Variants in AKAP12 observed in about 807,000 individuals in gnomAD.
AKAP12 encodes A-kinase anchoring protein 12.
Under a neutral mutation model 79.9 loss-of-function variants are expected in AKAP12, and 32 were observed. The observed-to-expected ratio is 0.40, with a 90% CI of 0.30 to 0.54. The LOEUF is 0.54. AKAP12 is among the 20% of genes least tolerant of loss of function. The pLI is 0.48. For missense variants in AKAP12, 2,074 were observed against 2,177.0 expected (o/e 0.95, Z 0.94); for synonymous variants, 808 against 857.0 (o/e 0.94, Z 1.00).
chr6:151,241,460 A>G (rs78203996), intron 2 of AKAP12, among the ~76,000 whole-genome samples: 8,710 of 152,266 alleles, frequency 0.057, 398 homozygotes, highest in East Asian at 0.12. Context: ...TAGAGTGGCT[A>G]GAAGTTCTCA....
At chr6:151,321,971 C>T (rs573906198) in intron 3 of AKAP12, among the ~76,000 whole-genome samples, 54 of 138,240 alleles carry the variant, frequency 3.9e-4, no homozygotes, top group Middle Eastern at 4.3e-3. Context: ...TGCAGTGGTG[C>T]GATACCATCT....
chr6:151,323,796 C>A (rs1433765953), intron 3 of AKAP12: 1 of 985,370 alleles, frequency 1.0e-6, no homozygotes, highest in Non-Finnish European at 1.2e-6. Context: ...GCTGGAGATT[C>A]ATTCTGCTCT....
intron 3 of AKAP12, chr6:151,324,398 G>A (rs945678747): frequency 1.1e-5 from 11 of 985,292 alleles, no homozygotes; most frequent in Non-Finnish European, 1.1e-5. Flanking sequence ...CTCTGGGCCC[G>A]AGTGTGGTGC....
chr6:151,322,171 G>GTGCTGGGATCACAC (rs1352934485), intron 3 of AKAP12, among the ~76,000 whole-genome samples: 1 of 152,040 alleles, frequency 6.6e-6, no homozygotes, highest in Non-Finnish European at 1.5e-5. Context: ...GCCTCCCAAA[G>GTGCTGGGATCACAC]TGCTGGGATC....
At chr6:151,338,993 A>C (rs1322889356) in intron 3 of AKAP12, among the ~76,000 whole-genome samples, 1 of 152,142 alleles carries the variant, frequency 6.6e-6, no homozygotes, top group Non-Finnish European at 1.5e-5. Context: ...ACTTTGATGG[A>C]TGCTCGGGCC....
intron 3 of AKAP12, among the ~76,000 whole-genome samples, chr6:151,316,945 C>G (rs1777250301): frequency 6.6e-6 from 1 of 152,156 alleles, no homozygotes; most frequent in South Asian, 2.1e-4. Flanking sequence ...GCCAGGACTC[C>G]TGTTCTTATT....
In AKAP12 at chr6:151,301,812, G is replaced by A. The variant is rs561111956; in HGVS notation, c.163-3935G>A. 6.6e-5 allele frequency among the ~76,000 whole-genome samples: 10 copies of A among 152,152 alleles called. No homozygotes were observed. In the East Asian group the frequency reaches 9.7e-4, roughly 15 times the overall value. On this transcript the variant is annotated intron_variant, in intron 2 of 4. Transcript: ENST00000402676. ...TTCAGTAACGTCACTGTCATAAATC[G>A]TTTTCTACCGAAGTTAATAATGTAT...
chr6:151,295,535 A>G (rs1776706520), intron 2 of AKAP12, among the ~76,000 whole-genome samples: 1 of 152,124 alleles, frequency 6.6e-6, no homozygotes, highest in Non-Finnish European at 1.5e-5. Context: ...CTGTGCAGAA[A>G]CCGTTCCAGC....
intron 3 of AKAP12, among the ~76,000 whole-genome samples, chr6:151,336,630 A>G (rs1022727887): frequency 1.3e-5 from 2 of 152,132 alleles, no homozygotes; most frequent in Admixed American, 1.3e-4. Context: ...CTGTAATCCT[A>G]GCTACTCGGG....
chr6:151,300,407 G>A (rs1383576837), intron 2 of AKAP12, among the ~76,000 whole-genome samples: 1 of 152,194 alleles, frequency 6.6e-6, no homozygotes, highest in African/African-American at 2.4e-5. Context: ...GTCCAATGAG[G>A]ATGTAGATCT....
chr6:151,258,825 A>G (rs1037727025), intron 2 of AKAP12, among the ~76,000 whole-genome samples: 7 of 151,448 alleles, frequency 4.6e-5, no homozygotes, highest in Admixed American at 6.6e-5. Context: ...ACAGGGTTTC[A>G]CCATGTTAGT....
chr6:151,350,090 G>T lies in AKAP12; in HGVS notation c.1699G>T (p.Ala567Ser), dbSNP rs1197487682. ...GGAGGAGCAAAAGGGCGAGAGCTCT[G>T]CCTCATCCCCTGAGGAGCCCGAGGA... ...SQEEQKGESS[A>S]SSPEEPEEIT... The change falls in exon 4 of 5, where the codon GCC becomes TCC. Residue 567 changes from alanine (A) to serine (S), a missense_variant. Coordinates refer to ENST00000402676, the MANE Select transcript of AKAP12 (RefSeq NM_005100.4). The surrounding 1 kb of genome is among the most constrained non-coding windows in gnomAD (Gnocchi z 4.8). 3.7e-6 allele frequency: 6 copies of T among 1,614,000 alleles called. No homozygotes were observed. Among genetic ancestry groups the T allele is most frequent in the Non-Finnish European group, 3.4e-6 (4 of 1,180,022 alleles).
intron 2 of AKAP12, among the ~76,000 whole-genome samples, chr6:151,264,463 GAGTTTGAGACC>G (rs1480533233): frequency 6.6e-6 from 1 of 151,462 alleles, no homozygotes; most frequent in African/African-American, 2.4e-5. Flanking sequence ...CTGAGGTCAG[GAGTTTGAGACC>G]AGCTTGACCA....
At chr6:151,337,049 C>T (rs1011276484) in intron 3 of AKAP12, among the ~76,000 whole-genome samples, 18 of 151,932 alleles carry the variant, frequency 1.2e-4, no homozygotes, top group African/African-American at 3.4e-4. Flanking sequence ...TTGTTTAATA[C>T]GTAGATAAAA....
chr6:151,275,923 A>G (rs1216712717), intron 2 of AKAP12, among the ~76,000 whole-genome samples: 1 of 152,268 alleles, frequency 6.6e-6, no homozygotes, highest in Non-Finnish European at 1.5e-5. Context: ...TGTTCTTATC[A>G]TCTGGACATC....
intron 3 of AKAP12, among the ~76,000 whole-genome samples, chr6:151,344,177 C>T (rs1778024825): frequency 6.6e-6 from 1 of 152,122 alleles, no homozygotes; most frequent in African/African-American, 2.4e-5. Context: ...TTGAAATCTT[C>T]TTCGCTATCT....
chr6:151,302,809 A>T (rs1776890105), intron 2 of AKAP12, among the ~76,000 whole-genome samples: 1 of 152,150 alleles, frequency 6.6e-6, no homozygotes, highest in African/African-American at 2.4e-5. Context: ...GCCCACGATA[A>T]TATGTGATTC....
In AKAP12 at chr6:151,350,623, G is replaced by A. The variant is rs576942154; in HGVS notation, c.2232G>A (p.Pro744=). The A allele has an allele frequency of 1.9e-5, 30 of 1,614,018 alleles. No homozygotes were observed. The highest frequency in any genetic ancestry group is 5.3e-5 in the African/African-American group (4 of 75,012). ...ATCCAGGGCAGGGAAGTTCCTCCCC[G>A]GAGCAAGCTGGAAGCCCTACCGAAG... The part of the protein sequence containing the change: ...EHDPGQGSSS[P]EQAGSPTEGE... The change falls in exon 4 of 5, where the codon CCG becomes CCA. Residue 744 remains proline (P), a synonymous_variant. Transcript: ENST00000402676. This position sits in a 1 kb window ranked among gnomAD's most constrained non-coding sequence, Gnocchi z 4.8.
chr6:151,279,427 G>T (rs1338656223), intron 2 of AKAP12, among the ~76,000 whole-genome samples: 1 of 151,890 alleles, frequency 6.6e-6, no homozygotes, highest in Non-Finnish European at 1.5e-5. Flanking sequence ...AAATTTTTGT[G>T]TGTGTGTGAT....
Sources: allele counts gnomAD v4.1 joint callset (sites outside exome capture counted in the v4.1 genomes callset), GRCh38; gene constraint gnomAD v4.1.1; non-coding constraint Gnocchi (gnomAD v3.1); transcripts MANE v1.5; gene names NCBI Gene and HGNC (gene_info 2026-07-23, HGNC 2026-07-21).